RBM20: variants seen among roughly 807,000 people sequenced by gnomAD.
RBM20 encodes RNA-binding protein 20.
RBM20 carries 51 observed loss-of-function variants against 110.1 expected under a neutral mutation model. The observed-to-expected ratio is 0.46, with a 90% CI of 0.37 to 0.59. RBM20 has a LOEUF of 0.59. RBM20 is among the 20% of genes least tolerant of loss of function. The probability of loss-of-function intolerance (pLI) is 0.00; values close to 1 mark genes in which losing one functional copy is unlikely to be tolerated. For missense variants in RBM20, 1,512 were observed against 1,574.9 expected (o/e 0.96, Z 0.68); for synonymous variants, 589 against 618.2 (o/e 0.95, Z 0.70).
intron 1 of RBM20, among the ~76,000 whole-genome samples, chr10:110,770,353 A>G (rs1036745626): frequency 6.6e-6 from 1 of 152,226 alleles, no homozygotes; most frequent in Non-Finnish European, 1.5e-5. Context: ...TGTCATGAAT[A>G]ACTGCCTTAA....
intron 1 of RBM20, among the ~76,000 whole-genome samples, chr10:110,712,433 G>C (rs73356925): frequency 0.14 from 21,327 of 152,182 alleles, 1,569 homozygotes; most frequent in African/African-American, 0.18. Flanking sequence ...TGAGGAGGTT[G>C]GCTAGAATAT....
intron 9 of RBM20, among the ~76,000 whole-genome samples, chr10:110,815,641 G>C (rs886331969): frequency 2.0e-5 from 3 of 152,176 alleles, no homozygotes; most frequent in Non-Finnish European, 4.4e-5. Context: ...AGGTGGAGCT[G>C]CTTCCTGCAC....
intron 13 of RBM20, among the ~76,000 whole-genome samples, chr10:110,833,671 C>G (rs1845086619): frequency 6.6e-6 from 1 of 152,232 alleles, no homozygotes; most frequent in South Asian, 2.1e-4. Flanking sequence ...CAGTGGACTG[C>G]ACTGTGTTCT....
intron 1 of RBM20, among the ~76,000 whole-genome samples, chr10:110,723,130 T>A (rs1843527458): frequency 2.1e-5 from 3 of 142,610 alleles, no homozygotes. Flanking sequence ...AAAAAAAAAA[T>A]CATCCCAGCA....
chr10:110,760,165 A>C (rs151325930), intron 1 of RBM20, among the ~76,000 whole-genome samples: 1 of 152,204 alleles, frequency 6.6e-6, no homozygotes, highest in Non-Finnish European at 1.5e-5. Context: ...CCCTTTTGCA[A>C]AGAACCTTCC....
intron 1 of RBM20, among the ~76,000 whole-genome samples, chr10:110,707,821 C>T (rs563653245): frequency 1.3e-5 from 2 of 152,202 alleles, no homozygotes; most frequent in African/African-American, 4.8e-5. Context: ...ATGAATAAGA[C>T]CCAGTATTGG....
intron 1 of RBM20, among the ~76,000 whole-genome samples, chr10:110,654,556 T>C (rs914533210): frequency 1.3e-5 from 2 of 151,714 alleles, no homozygotes; most frequent in African/African-American, 4.9e-5. Context: ...AAAATCACTG[T>C]ATGAAGCAGG....
chr10:110,698,953 G>C (rs1429124287), intron 1 of RBM20, among the ~76,000 whole-genome samples: 2 of 152,190 alleles, frequency 1.3e-5, no homozygotes, highest in East Asian at 3.9e-4. Context: ...TCATTTGCTA[G>C]GGTTCTGTTA....
chr10:110,801,795 T>C (rs879597298), intron 7 of RBM20, among the ~76,000 whole-genome samples: 1 of 149,212 alleles, frequency 6.7e-6, no homozygotes, highest in African/African-American at 2.5e-5. Context: ...TCTGCCCGCC[T>C]CAGCCTCCCA....
intron 1 of RBM20, among the ~76,000 whole-genome samples, chr10:110,758,014 CTTTTTTTTTT>C (rs760246427): frequency 2.5e-5 from 2 of 79,906 alleles, no homozygotes; most frequent in African/African-American, 5.2e-5. Context: ...GATCCTTGTT[CTTTTTTTTTT>C]TTTTTTTTTT....
chr10:110,732,605 T>C (rs1036357784), intron 1 of RBM20, among the ~76,000 whole-genome samples: 41 of 152,308 alleles, frequency 2.7e-4, no homozygotes, highest in African/African-American at 9.6e-4. Context: ...CTTTCTGGGG[T>C]CCAGGGGCCT....
At chr10:110,814,378 G>A (rs56269282) in intron 9 of RBM20, among the ~76,000 whole-genome samples, 31,147 of 152,050 alleles carry the variant, frequency 0.2, 3,545 homozygotes, top group African/African-American at 0.3. Flanking sequence ...CATTTACAGC[G>A]GATGAGCTGC....
chr10:110,763,451 G>C (rs1269664374), intron 1 of RBM20, among the ~76,000 whole-genome samples: 1 of 152,132 alleles, frequency 6.6e-6, no homozygotes, highest in African/African-American at 2.4e-5. Context: ...GTGGACACCA[G>C]GCATTGCAGG....
At chr10:110,819,931 A>G (rs1844886527) in intron 9 of RBM20, 141 bp from the exon 10 acceptor site, 5 of 533,496 alleles carry the variant, frequency 9.4e-6, no homozygotes, top group Admixed American at 6.9e-5. Flanking sequence ...AGCTGCCTCC[A>G]AGGGATTCTG....
intron 1 of RBM20, among the ~76,000 whole-genome samples, chr10:110,722,844 G>T (rs1843523776): frequency 1.3e-5 from 2 of 152,156 alleles, no homozygotes; most frequent in African/African-American, 4.8e-5. Flanking sequence ...GAGCATGGTG[G>T]CTTAAACCTG....
At chr10:110,681,256 G>A (rs1862420101) in intron 1 of RBM20, among the ~76,000 whole-genome samples, 1 of 152,074 alleles carries the variant, frequency 6.6e-6, no homozygotes, top group Admixed American at 6.6e-5. Flanking sequence ...CTCGCAATAG[G>A]GTCTGCACCA....
intron 1 of RBM20, among the ~76,000 whole-genome samples, chr10:110,695,628 GA>G (rs1862652409): frequency 6.6e-6 from 1 of 152,228 alleles, no homozygotes; most frequent in Admixed American, 6.5e-5. Context: ...CATTTCATCA[GA>G]AATGTTTGGA....
At chr10:110,798,052 A>T (rs2135074943) in intron 6 of RBM20, among the ~76,000 whole-genome samples, 1 of 152,314 alleles carries the variant, frequency 6.6e-6, no homozygotes, top group East Asian at 1.9e-4. Context: ...CCAGCCAAGA[A>T]CTTGGGACTA....
At chr10:110,696,487 C>T (rs901992193) in intron 1 of RBM20, among the ~76,000 whole-genome samples, 2 of 152,230 alleles carry the variant, frequency 1.3e-5, no homozygotes, top group Non-Finnish European at 2.9e-5. Flanking sequence ...GCAATGCCTG[C>T]ACCACAGTGA....
Sources: gnomAD v4.1 joint callset for allele counts (sites outside exome capture counted in the v4.1 genomes callset) on GRCh38, gnomAD v4.1.1 for gene constraint, MANE v1.5 for transcripts, NCBI Gene and HGNC (gene_info 2026-07-23, HGNC 2026-07-21) for gene names.